RTN4: variants seen among roughly 807,000 people sequenced by gnomAD.
RTN4 encodes reticulon-4.
A neutral mutation model predicts 90.4 loss-of-function variants in RTN4; 32 were observed. The observed-to-expected ratio is 0.35, with a 90% CI of 0.27 to 0.48. The LOEUF (loss-of-function observed/expected upper bound fraction) is 0.48. Ranked by LOEUF, RTN4 falls within the 20% of genes least tolerant of loss-of-function variation. RTN4 has a pLI of 0.99. For synonymous variants in RTN4, 629 were observed against 552.5 expected (o/e 1.14, Z -1.94); for missense variants, 1,706 against 1,430.2 (o/e 1.19, Z -3.11).
chr2:55,027,182 A>T lies in RTN4; in HGVS notation c.917T>A (p.Val306Asp). Residue 306 changes from valine to aspartate, a missense_variant, in exon 3 of 9, where the codon GTC becomes GAC. Val to Asp is a radical substitution (Grantham distance 152). Coordinates refer to ENST00000337526, the MANE Select transcript of RTN4 (RefSeq NM_020532.5). ...TACGGCAGATTCTGCTTTTGGAGAG[A>T]CACTGAACGATGATCCCATTTCTGA... The part of the protein sequence containing the change: ...EYSEMGSSFS[V>D]SPKAESAVIV... 6.2e-7 allele frequency: 1 copy of T among 1,613,558 alleles called. No individual in the cohort carries two copies. Among genetic ancestry groups the T allele is most frequent in the Non-Finnish European group, 8.5e-7 (1 of 1,179,748 alleles).
At chr2:55,020,552 T>C (rs1477254741) in intron 3 of RTN4, among the ~76,000 whole-genome samples, 1 of 152,096 alleles carries the variant, frequency 6.6e-6, no homozygotes, top group Admixed American at 6.6e-5. Flanking sequence ...TCTTTGTAAA[T>C]GGAGGGGGAG....
chr2:55,037,506 T>C (rs750065189), intron 1 of RTN4, among the ~76,000 whole-genome samples: 6 of 152,162 alleles, frequency 3.9e-5, no homozygotes, highest in Non-Finnish European at 8.8e-5. Flanking sequence ...CAGATCTCAC[T>C]CAGCCATCTC....
At chr2:55,074,517 CAAAAAAA>C (rs778275041) in intron 2 of RTN4, among the ~76,000 whole-genome samples, 91 of 59,630 alleles carry the variant, frequency 1.5e-3, no homozygotes, top group African/African-American at 5.1e-3. Context: ...CTGCCCTCAC[CAAAAAAA>C]AAAAAAAAAA....
chr2:55,005,099 G>A (rs904966521), intron 3 of RTN4, among the ~76,000 whole-genome samples: 2 of 152,126 alleles, frequency 1.3e-5, no homozygotes, highest in East Asian at 1.9e-4. Flanking sequence ...AATGACAGAC[G>A]AAATTATAAA....
chr2:55,014,635 G>A (rs1198207310), intron 3 of RTN4: 1 of 151,998 alleles, frequency 6.6e-6, no homozygotes, highest in Non-Finnish European at 1.5e-5. Context: ...CTCCTGCCTA[G>A]CCTCCCAAGT....
At chr2:55,111,735 G>A (rs1376512266) in intron 1 of RTN4, among the ~76,000 whole-genome samples, 1 of 152,178 alleles carries the variant, frequency 6.6e-6, no homozygotes, top group Non-Finnish European at 1.5e-5. Context: ...CATGTACAGA[G>A]TAAGTGTTGA....
At chr2:55,038,735 C>G (rs1682862100) in intron 1 of RTN4, among the ~76,000 whole-genome samples, 1 of 152,188 alleles carries the variant, frequency 6.6e-6, no homozygotes, top group African/African-American at 2.4e-5. Flanking sequence ...TACCCCATGA[C>G]TCAGCAATTC....
Position 55,026,278 on chromosome 2 carries a change from AGGAGTAGCT to A in RTN4, c.1812_1820del (p.Glu604_Pro607delinsAsp). On this transcript the variant is annotated inframe_deletion, in exon 3 of 9. Coordinates refer to ENST00000337526, the MANE Select transcript of RTN4 (RefSeq NM_020532.5). ...TAACAATGTCAGGCAAAACTGGTGA[AGGAGTAGCT>A]TCTGACTCTTCAAATGATGGGCAAA... 1.2e-6 allele frequency: 2 copies of A among 1,613,998 alleles called. No homozygotes were observed. The highest frequency in any genetic ancestry group is 1.7e-6 in the Non-Finnish European group (2 of 1,179,914).
At position 55,025,886 on chromosome 2, in the gene RTN4, G is replaced by T; in HGVS notation, c.2213C>A (p.Ser738Tyr). ...GTCAACTGGTTCAGAATCAGGTGAG[G>T]AATCTTCAACTAGCTCAGAATGATC... ...VPDHSELVED[S>Y]SPDSEPVDLF... is the part of the protein sequence containing the mutation. The change falls in exon 3 of 9, where the codon TCC (serine) becomes TAC (tyrosine). Residue 738 changes from serine (S) to tyrosine (Y), a missense_variant. Ser to Tyr is a moderately radical substitution (Grantham distance 144, BLOSUM62 -2). Coordinates refer to ENST00000337526, the MANE Select transcript of RTN4 (RefSeq NM_020532.5). 6.2e-7 allele frequency: 1 copy of T among 1,613,786 alleles called. No homozygotes were observed. The highest frequency in any genetic ancestry group is 8.5e-7 in the Non-Finnish European group (1 of 1,179,856).
chr2:55,063,439 T>C (rs1315808622), intron 2 of RTN4, among the ~76,000 whole-genome samples: 1 of 152,076 alleles, frequency 6.6e-6, no homozygotes, highest in Non-Finnish European at 1.5e-5. Context: ...GGAGGCCATG[T>C]AGCTGGAACT....
At chr2:55,021,832 C>T (rs1681465894) in intron 3 of RTN4, among the ~76,000 whole-genome samples, 1 of 152,144 alleles carries the variant, frequency 6.6e-6, no homozygotes, top group Non-Finnish European at 1.5e-5. Context: ...TTCCTTCCCA[C>T]AACTTTTGTA....
intron 2 of RTN4, among the ~76,000 whole-genome samples, chr2:55,068,304 G>A (rs751186439): frequency 6.6e-6 from 1 of 152,046 alleles, no homozygotes; most frequent in Non-Finnish European, 1.5e-5. Flanking sequence ...TTTCACCCAT[G>A]CATCATCTAG....
intron 1 of RTN4, among the ~76,000 whole-genome samples, chr2:55,101,111 G>A (rs371164274): frequency 2.0e-5 from 3 of 152,048 alleles, no homozygotes; most frequent in South Asian, 4.1e-4. Context: ...CAAACAGTTT[G>A]TATAGTAGGA....
At chr2:54,990,212 T>G (rs911935192) in intron 3 of RTN4, among the ~76,000 whole-genome samples, 3 of 152,178 alleles carry the variant, frequency 2.0e-5, no homozygotes, top group African/African-American at 7.2e-5. Flanking sequence ...CTTTTGAGAT[T>G]TACTGCACCC....
At chr2:55,055,771 A>G (rs961631432), upstream of RTN4, among the ~76,000 whole-genome samples, 7 of 149,248 alleles carry the variant, frequency 4.7e-5, no homozygotes, top group South Asian at 2.1e-4. Flanking sequence ...CTCCGTCTCA[A>G]AAAAAAAAAC....
intron 1 of RTN4, among the ~76,000 whole-genome samples, chr2:55,082,706 AAG>A (rs1409647899): frequency 6.6e-6 from 1 of 152,212 alleles, no homozygotes; most frequent in Admixed American, 6.5e-5. Context: ...GAACTTTATA[AAG>A]TGAACTGGAA....
chr2:55,136,423 A>C, the RTN4 span, among the ~76,000 whole-genome samples: 1 of 152,326 alleles, frequency 6.6e-6, no homozygotes. Context: ...CCCAAGTCAA[A>C]GGCTAAACAG....
chr2:55,075,187 A>C (rs1668579236), intron 2 of RTN4, among the ~76,000 whole-genome samples: 3 of 152,224 alleles, frequency 2.0e-5, no homozygotes, highest in Admixed American at 2.0e-4. Flanking sequence ...CCCTGAAGAC[A>C]TCCAACAATC....
chr2:55,014,445 A>G (rs1209130366), intron 3 of RTN4: 1 of 152,124 alleles, frequency 6.6e-6, no homozygotes, highest in African/African-American at 2.4e-5. Context: ...CACAAATTCT[A>G]TGCGTCATTC....
Sources: gnomAD v4.1 joint callset for allele counts (sites outside exome capture counted in the v4.1 genomes callset) on GRCh38, gnomAD v4.1.1 for gene constraint, MANE v1.5 for transcripts, NCBI Gene and HGNC (gene_info 2026-07-23, HGNC 2026-07-21) for gene names.